The following GAREM1 variants were observed in gnomAD, a reference collection of about 807,000 sequenced individuals.
GAREM1 encodes the protein GRB2 associated regulator of MAPK1 subtype 1.
Under a neutral mutation model 71.3 loss-of-function variants are expected in GAREM1, and 26 were observed. That is an observed-to-expected ratio of 0.36 (90% CI 0.27 to 0.51). The LOEUF is 0.51. GAREM1 is among the 20% of genes least tolerant of loss of function. The probability of loss-of-function intolerance (pLI) is 0.95; values close to 1 mark genes in which losing one functional copy is unlikely to be tolerated. For missense variants in GAREM1, 1,026 were observed against 1,103.1 expected, an observed-to-expected ratio of 0.93 and a Z score of 0.99; for synonymous variants, 440 against 433.2, an observed-to-expected ratio of 1.02 and a Z score of -0.20.
At chr18:32,339,018 C>T (rs1030760605) in intron 2 of GAREM1, among the ~76,000 whole-genome samples, 3 of 152,122 alleles carry the variant, frequency 2.0e-5, no homozygotes, top group Admixed American at 2.0e-4. Context: ...AGCTCTTTAC[C>T]AGGTCTCCAG....
chr18:32,326,369 G>C (rs1171688102), intron 2 of GAREM1, among the ~76,000 whole-genome samples: 1 of 152,132 alleles, frequency 6.6e-6, no homozygotes, highest in African/African-American at 2.4e-5. Flanking sequence ...TGACCATAAT[G>C]ACAGTGGCCT....
chr18:32,430,588 A>G (rs902886551), intron 1 of GAREM1, among the ~76,000 whole-genome samples: 5 of 152,252 alleles, frequency 3.3e-5, no homozygotes, highest in African/African-American at 1.2e-4. Context: ...GTTATAAACC[A>G]TAGAGAGACT....
chr18:32,402,671 T>C (rs1265992511), intron 1 of GAREM1, among the ~76,000 whole-genome samples: 2 of 152,156 alleles, frequency 1.3e-5, no homozygotes, highest in Non-Finnish European at 2.9e-5. Flanking sequence ...AGGATTCAAT[T>C]AGTTGTAGAC....
At chr18:32,444,479 G>A (rs957313782) in intron 1 of GAREM1, among the ~76,000 whole-genome samples, 11 of 152,182 alleles carry the variant, frequency 7.2e-5, no homozygotes, top group African/African-American at 2.4e-4. Context: ...TGGTTTCAAC[G>A]GGATGATTCT....
At chr18:32,333,605 C>A (rs1378422843) in intron 2 of GAREM1, among the ~76,000 whole-genome samples, 1 of 152,122 alleles carries the variant, frequency 6.6e-6, no homozygotes, top group Non-Finnish European at 1.5e-5. Context: ...ATACAAACTC[C>A]AATAAAGTGG....
intron 2 of GAREM1, among the ~76,000 whole-genome samples, chr18:32,386,521 C>A (rs922098070): frequency 6.6e-6 from 1 of 152,184 alleles, no homozygotes; most frequent in South Asian, 2.1e-4. Flanking sequence ...TACAGATTCA[C>A]CAGATTTGCA....
chr18:32,424,540 C>T (rs1402196912), intron 1 of GAREM1, among the ~76,000 whole-genome samples: 1 of 152,028 alleles, frequency 6.6e-6, no homozygotes, highest in Non-Finnish European at 1.5e-5. Context: ...AATCAATTTA[C>T]CAGGGTCTGA....
intron 2 of GAREM1, among the ~76,000 whole-genome samples, chr18:32,352,494 G>A (rs1303195703): frequency 1.3e-5 from 2 of 152,150 alleles, no homozygotes; most frequent in African/African-American, 4.8e-5. Flanking sequence ...GCCTATAAGA[G>A]GGCCACAGTT....
intron 2 of GAREM1, among the ~76,000 whole-genome samples, chr18:32,372,778 G>A (rs893494825): frequency 2.0e-5 from 3 of 152,212 alleles, no homozygotes; most frequent in Non-Finnish European, 4.4e-5. Flanking sequence ...GCCCTACCAG[G>A]AAATGGGGCA....
chr18:32,430,337 T>C (rs991308509), intron 1 of GAREM1, among the ~76,000 whole-genome samples: 2 of 152,244 alleles, frequency 1.3e-5, no homozygotes, highest in African/African-American at 4.8e-5. Context: ...TTAGAAACAG[T>C]GTTTCTGACT....
chr18:32,414,031 C>T (rs1224720049), intron 1 of GAREM1, among the ~76,000 whole-genome samples: 1 of 151,972 alleles, frequency 6.6e-6, no homozygotes, highest in African/African-American at 2.4e-5. Context: ...CAAGCTATAG[C>T]CATGAGAGTT....
chr18:32,310,184 A>T lies in GAREM1; in HGVS notation c.393+9T>A. The T allele has an allele frequency of 6.2e-7, 1 of 1,613,554 alleles. No individual in the cohort carries two copies. Among genetic ancestry groups the T allele is most frequent in the Non-Finnish European group, 8.5e-7 (1 of 1,179,826 alleles). Reference sequence around the variant, plus strand: ...GAGTATAAATATTTGGTGCTTCAAGAGCTACTACCTTCACGTTGAATGTGA... The same window carrying T: ...GAGTATAAATATTTGGTGCTTCAAGTGCTACTACCTTCACGTTGAATGTGA... On this transcript the variant is annotated intron_variant, in intron 3 of 5. Coordinates refer to ENST00000269209, the MANE Select transcript of GAREM1 (RefSeq NM_001242409.2).
At chr18:32,417,104 C>T (rs2048473213) in intron 1 of GAREM1, among the ~76,000 whole-genome samples, 1 of 152,020 alleles carries the variant, frequency 6.6e-6, no homozygotes, top group African/African-American at 2.4e-5. Context: ...AAATGGCAAA[C>T]AGATATATGA....
Position 32,394,401 on chromosome 18 carries a change from CA to C in GAREM1, c.122-1367del, listed in dbSNP as rs2048231530. ...TGGGTAACGGAGCGAGACCTTATCT[CA>C]AAAAATAAAAAATGAAATAAAATAA... is the stretch of plus-strand genomic sequence containing the variant. On this transcript the variant is annotated intron_variant, in intron 1 of 5. Transcript: ENST00000269209. Among the ~76,000 whole-genome samples, 7 of 151,658 alleles carry C rather than the reference CA, an allele frequency of 4.6e-5. No homozygotes were observed. The South Asian group carries it at 1.5e-3, about 32-fold the overall frequency.
intron 1 of GAREM1, among the ~76,000 whole-genome samples, chr18:32,402,074 A>AG (rs1352721493): frequency 2.6e-5 from 4 of 152,206 alleles, no homozygotes; most frequent in Non-Finnish European, 5.9e-5. Context: ...ATCCTAGGGT[A>AG]GGCCACTAAT....
Position 32,300,906 on chromosome 18 carries a change from CAA to C in GAREM1, c.393+9285_393+9286del, listed in dbSNP as rs764891353. 2.4e-3 allele frequency among the ~76,000 whole-genome samples: 200 copies of C among 83,334 alleles called. 2 individuals are homozygous for C. The highest frequency in any genetic ancestry group is 6.8e-3 in the African/African-American group (184 of 27,102). The allele number at this position is 83,334 out of a possible 152,430, so 54.7% of individuals were successfully genotyped here. On this transcript the variant is annotated intron_variant, in intron 3 of 5. Coordinates refer to ENST00000269209, the MANE Select transcript of GAREM1 (RefSeq NM_001242409.2). Reference sequence around the variant, plus strand: ...GGGCAACAAGAGTGAAACTCCGTCTCAAAAAAAAAAAAAAAAAAAAGAAGAAG... The same window carrying C: ...GGGCAACAAGAGTGAAACTCCGTCTCAAAAAAAAAAAAAAAAAAGAAGAAG...
intron 1 of GAREM1, among the ~76,000 whole-genome samples, chr18:32,436,845 T>C (rs890114694): frequency 3.9e-5 from 6 of 152,162 alleles, no homozygotes; most frequent in African/African-American, 1.4e-4. Flanking sequence ...AGAAACAGTT[T>C]CAAATCCTAG....
At chr18:32,333,525 G>A (rs989549759) in intron 2 of GAREM1, among the ~76,000 whole-genome samples, 1 of 152,218 alleles carries the variant, frequency 6.6e-6, no homozygotes, top group Admixed American at 6.5e-5. Context: ...TGTAGGCACT[G>A]CTGCAATCCA....
chr18:32,303,518 C>T (rs1346071959), intron 3 of GAREM1, among the ~76,000 whole-genome samples: 1 of 152,098 alleles, frequency 6.6e-6, no homozygotes, highest in East Asian at 1.9e-4. Context: ...GTAGTAAGGT[C>T]TCCAAAAAAG....
Sources: gnomAD v4.1 joint callset for allele counts (sites outside exome capture counted in the v4.1 genomes callset) on GRCh38, gnomAD v4.1.1 for gene constraint, MANE v1.5 for transcripts, NCBI Gene and HGNC (gene_info 2026-07-23, HGNC 2026-07-21) for gene names.